AFF3: variants seen among roughly 807,000 people sequenced by gnomAD.
The protein encoded by AFF3 is ALF transcription elongation factor 3.
Under a neutral mutation model 129.7 loss-of-function variants are expected in AFF3, and 32 were observed. That is an observed-to-expected ratio of 0.25 (90% CI 0.19 to 0.33). The LOEUF is 0.33. AFF3 is among the 10% of genes least tolerant of loss of function. The probability of loss-of-function intolerance (pLI) is 1.00; values close to 1 mark genes in which losing one functional copy is unlikely to be tolerated. For synonymous variants in AFF3, 644 were observed against 635.4 expected, an observed-to-expected ratio of 1.01 and a Z score of -0.20; for missense variants, 1,373 against 1,592.0, an observed-to-expected ratio of 0.86 and a Z score of 2.34.
chr2:99,827,293 A>G (rs1688163512), intron 8 of AFF3, among the ~76,000 whole-genome samples: 1 of 152,142 alleles, frequency 6.6e-6, no homozygotes, highest in South Asian at 2.1e-4. Context: ...ACCAACATCA[A>G]GGGGGACTTA....
intron 11 of AFF3, among the ~76,000 whole-genome samples, chr2:99,686,066 T>C (rs1401165118): frequency 1.3e-5 from 2 of 152,014 alleles, no homozygotes; most frequent in Non-Finnish European, 2.9e-5. Context: ...GGTGGGTGCC[T>C]GTGGTCCCAG....
intron 7 of AFF3, among the ~76,000 whole-genome samples, chr2:99,891,582 C>T (rs767363378): frequency 3.2e-4 from 48 of 152,256 alleles, no homozygotes; most frequent in Admixed American, 3.1e-3. Flanking sequence ...GGCAGGCGGG[C>T]GACTGAGCTT....
At chr2:99,716,444 A>G (rs574991673) in intron 11 of AFF3, among the ~76,000 whole-genome samples, 1 of 152,274 alleles carries the variant, frequency 6.6e-6, no homozygotes, top group African/African-American at 2.4e-5. Flanking sequence ...GCCTCTTTCT[A>G]CTGGTAAAAC....
chr2:100,064,997 C>T (rs1231683875), intron 4 of AFF3, among the ~76,000 whole-genome samples: 1 of 152,178 alleles, frequency 6.6e-6, no homozygotes. Flanking sequence ...ATGCATTTAC[C>T]ATAAAGCTTT....
In AFF3 at chr2:99,600,093, T is replaced by C. The variant is rs1679675822; in HGVS notation, c.1371+1342A>G. 2.6e-5 allele frequency among the ~76,000 whole-genome samples: 4 copies of C among 152,168 alleles called. No homozygotes were observed. The South Asian group carries it at 8.3e-4, about 32-fold the overall frequency. ...GCCAGGGTTATGTTACCATAAGGCTTTCATAGGTTAATGTTGCTAAGAGCC... is the reference window on the plus strand; with the variant it reads ...GCCAGGGTTATGTTACCATAAGGCTCTCATAGGTTAATGTTGCTAAGAGCC... On this transcript the variant is annotated intron_variant, in intron 14 of 24. Coordinates refer to ENST00000672756, the MANE Select transcript of AFF3 (RefSeq NM_001386135.1).
intron 7 of AFF3, among the ~76,000 whole-genome samples, chr2:99,892,901 C>T (rs779866308): frequency 2.0e-5 from 3 of 152,090 alleles, no homozygotes; most frequent in Non-Finnish European, 4.4e-5. Context: ...CCTCCCAGCT[C>T]GTGGTGGGGC....
intron 4 of AFF3, among the ~76,000 whole-genome samples, chr2:100,024,297 G>A (rs1316663678): frequency 4.0e-5 from 6 of 150,100 alleles, no homozygotes; most frequent in East Asian, 3.9e-4. Context: ...AAAACAGGCC[G>A]GGCAGGGTGG....
intron 7 of AFF3, among the ~76,000 whole-genome samples, chr2:99,870,843 A>G (rs1283708203): frequency 4.6e-5 from 7 of 152,244 alleles, no homozygotes; most frequent in African/African-American, 1.7e-4. Context: ...TTTAAATACC[A>G]TAATATGTCA....
At chr2:99,680,787 T>C (rs1347642492) in intron 11 of AFF3, among the ~76,000 whole-genome samples, 1 of 152,224 alleles carries the variant, frequency 6.6e-6, no homozygotes, top group Non-Finnish European at 1.5e-5. Flanking sequence ...ATTGATAAGT[T>C]AATTGCTAAA....
chr2:99,690,074 G>A (rs1037677773), intron 11 of AFF3, among the ~76,000 whole-genome samples: 59 of 149,820 alleles, frequency 3.9e-4, no homozygotes, highest in African/African-American at 1.4e-3. Context: ...GTGACAGAGC[G>A]AGACTCTGTC....
intron 18 of AFF3, among the ~76,000 whole-genome samples, chr2:99,576,635 T>C (rs1181487115): frequency 1.3e-5 from 2 of 152,154 alleles, no homozygotes; most frequent in African/African-American, 4.8e-5. Flanking sequence ...CATTTTAATA[T>C]GACATATGTG....
At chr2:99,880,868 T>C (rs1692657975) in intron 7 of AFF3, among the ~76,000 whole-genome samples, 1 of 152,126 alleles carries the variant, frequency 6.6e-6, no homozygotes, top group Non-Finnish European at 1.5e-5. Flanking sequence ...ATGGAAGTAA[T>C]GTACTTATGC....
intron 7 of AFF3, among the ~76,000 whole-genome samples, chr2:99,920,892 G>A (rs1695813933): frequency 6.6e-6 from 1 of 151,926 alleles, no homozygotes; most frequent in Non-Finnish European, 1.5e-5. Context: ...TTTTACAAGA[G>A]TATGAAAAAC....
At chr2:99,802,370 C>T (rs757168273) in intron 8 of AFF3, among the ~76,000 whole-genome samples, 56 of 152,140 alleles carry the variant, frequency 3.7e-4, no homozygotes, top group Non-Finnish European at 6.5e-4. Context: ...TTCCCACTTA[C>T]ATTAAAAGTT....
rs188838561 is a variant in AFF3, at chr2:99,554,747, A to G, written c.3286-15T>C. Reference sequence around the variant, plus strand: ...TTAGATGAGTTCTGCAAGAAAATAAAAACACTGACAGTGAGTGCCATCTGC... The same window carrying G: ...TTAGATGAGTTCTGCAAGAAAATAAGAACACTGACAGTGAGTGCCATCTGC... On this transcript the variant is annotated splice_polypyrimidine_tract_variant and intron_variant, in intron 22 of 24. Transcript: ENST00000672756. The G allele has an allele frequency of 1.7e-5, 28 of 1,614,176 alleles. 1 individual carries two copies. In the African/African-American group the frequency reaches 3.6e-4, roughly 21 times the overall value.
chr2:99,622,948 CAAACA>C (rs777800781), intron 13 of AFF3, among the ~76,000 whole-genome samples: 1 of 152,154 alleles, frequency 6.6e-6, no homozygotes, highest in Non-Finnish European at 1.5e-5. Context: ...GACTCTGCTT[CAAACA>C]AAGGTAGCCT....
At chr2:99,988,075 T>A (rs1680024033) in intron 7 of AFF3, among the ~76,000 whole-genome samples, 1 of 151,976 alleles carries the variant, frequency 6.6e-6, no homozygotes, top group Non-Finnish European at 1.5e-5. Context: ...ACTGAAAATA[T>A]AATATGATGG....
At chr2:100,042,951 A>T (rs1685555511) in intron 4 of AFF3, among the ~76,000 whole-genome samples, 1 of 152,202 alleles carries the variant, frequency 6.6e-6, no homozygotes, top group African/African-American at 2.4e-5. Flanking sequence ...TCTCGGCATA[A>T]ATACCAGATA....
intron 7 of AFF3, among the ~76,000 whole-genome samples, chr2:99,908,422 G>A (rs1694873164): frequency 6.6e-6 from 1 of 152,124 alleles, no homozygotes; most frequent in Non-Finnish European, 1.5e-5. Context: ...CATGGGCAAG[G>A]ACTCATGTCT....
Sources: gnomAD v4.1 joint callset for allele counts (sites outside exome capture counted in the v4.1 genomes callset) on GRCh38, gnomAD v4.1.1 for gene constraint, MANE v1.5 for transcripts, NCBI Gene and HGNC (gene_info 2026-07-23, HGNC 2026-07-21) for gene names.